The following EML6 variants were observed in gnomAD, a reference collection of about 807,000 sequenced individuals.
EML6 encodes echinoderm microtubule-associated protein-like 6.
EML6 carries 154 observed loss-of-function variants against 240.1 expected under a neutral mutation model. The ratio of observed to expected loss-of-function variants is 0.64; its 90% CI spans 0.56 to 0.73. The LOEUF is 0.73. EML6 is among the 30% of genes least tolerant of loss of function. The pLI, the probability that EML6 is intolerant of heterozygous loss-of-function variation, is 0.00. For missense variants in EML6, 2,964 were observed against 2,474.6 expected, an observed-to-expected ratio of 1.20 and a Z score of -4.20; for synonymous variants, 1,148 against 899.0, an observed-to-expected ratio of 1.28 and a Z score of -4.95.
chr2:54,953,721 T>G (rs1452547473), intron 31 of EML6, among the ~76,000 whole-genome samples: 1 of 152,106 alleles, frequency 6.6e-6, no homozygotes, highest in East Asian at 1.9e-4. Flanking sequence ...ATGCTGTCTC[T>G]GCTGAAAATA....
intron 28 of EML6, among the ~76,000 whole-genome samples, chr2:54,945,678 A>G (rs1675662043): frequency 6.6e-6 from 1 of 152,296 alleles, no homozygotes. Flanking sequence ...ATTTCAGGTC[A>G]TTGTGTGCTC....
chr2:54,760,956 A>G (rs772410883), intron 2 of EML6, among the ~76,000 whole-genome samples: 1 of 151,950 alleles, frequency 6.6e-6, no homozygotes, highest in Non-Finnish European at 1.5e-5. Flanking sequence ...ATGGTGACCA[A>G]TAATGTTTTT....
intron 2 of EML6, among the ~76,000 whole-genome samples, chr2:54,738,831 A>G (rs776981085): frequency 6.6e-6 from 1 of 152,130 alleles, no homozygotes; most frequent in Non-Finnish European, 1.5e-5. Flanking sequence ...TCCTTTGGCT[A>G]CTCGTACAAG....
rs558431975 is a variant in EML6, at chr2:54,774,993, A to G, written c.198-38239A>G. On this transcript the variant is annotated intron_variant, in intron 2 of 41. Coordinates refer to ENST00000356458, the MANE Select transcript of EML6 (RefSeq NM_001039753.4). This position sits in a 1 kb window ranked among gnomAD's most constrained non-coding sequence, Gnocchi z 4.1. Reference sequence around the variant, plus strand: ...CACATAGAAATTTCCTGAAAATATGATCAAAAAATGAAAAAGCAAATACTT... The same window carrying G: ...CACATAGAAATTTCCTGAAAATATGGTCAAAAAATGAAAAAGCAAATACTT... Among the ~76,000 whole-genome samples, 2 of 152,298 alleles carry G rather than the reference A, an allele frequency of 1.3e-5. No homozygotes were observed. The highest frequency in any genetic ancestry group is 6.5e-5 in the Admixed American group (1 of 15,308).
At chr2:54,823,702 C>T (rs1283259759) in intron 5 of EML6, among the ~76,000 whole-genome samples, 1 of 152,074 alleles carries the variant, frequency 6.6e-6, no homozygotes, top group Non-Finnish European at 1.5e-5. Context: ...TCCTGGGAGC[C>T]ATCATCCATC....
chr2:54,725,020 C>T lies in EML6; in HGVS notation c.-42C>T, dbSNP rs1184011815. 1 of 1,458,678 alleles carries T rather than the reference C, an allele frequency of 6.9e-7. No homozygotes were observed. The highest frequency in any genetic ancestry group is 9.0e-7 in the Non-Finnish European group (1 of 1,105,892). The allele number at this position is 1,458,678 out of a possible 1,614,324, so 90.4% of individuals were successfully genotyped here. On this transcript the variant is annotated 5_prime_UTR_variant, in exon 2 of 42. Transcript: ENST00000356458. The surrounding 1 kb of genome is among the most constrained non-coding windows in gnomAD (Gnocchi z 4.3). ...AGCCCCAGCCTCGGCGAGGACGGCC[C>T]CGGCGCGCGGGGGGGCGGGGGGCGC...
chr2:54,730,725 C>T (rs57539931), intron 2 of EML6, among the ~76,000 whole-genome samples: 6,284 of 152,228 alleles, frequency 0.041, 444 homozygotes, highest in African/African-American at 0.14. Context: ...CATTATTGCT[C>T]TTCTTATTAA....
intron 2 of EML6, among the ~76,000 whole-genome samples, chr2:54,733,872 T>G (rs184827152): frequency 6.6e-6 from 1 of 151,974 alleles, no homozygotes; most frequent in Non-Finnish European, 1.5e-5. Flanking sequence ...CCACCCCTAA[T>G]AAAGGGGGAA....
chr2:54,939,528 C>A (rs1033805397), intron 28 of EML6, among the ~76,000 whole-genome samples: 3 of 152,206 alleles, frequency 2.0e-5, no homozygotes, highest in Non-Finnish European at 2.9e-5. Context: ...CCAGTAGCCC[C>A]TTGTGATATG....
rs192806554 is a variant in EML6 at position 54,792,771 on chromosome 2, C to T, written c.198-20461C>T. On this transcript the variant is annotated intron_variant, in intron 2 of 41. Coordinates refer to ENST00000356458, the MANE Select transcript of EML6 (RefSeq NM_001039753.4). ...GGCACTTTGGGATAAAATAGAAATA[C>T]GCTATAGAAATACGACATTGTTCAC... is the stretch of plus-strand genomic sequence containing the variant. Among the ~76,000 whole-genome samples the T allele has an allele frequency of 1.8e-4, 28 of 152,176 alleles. 1 individual carries two copies. The South Asian group carries it at 3.3e-3, about 18-fold the overall frequency.
Position 54,964,732 on chromosome 2 carries a change from A to G in EML6, c.5492A>G (p.Gln1831Arg). 6.4e-7 allele frequency: 1 copy of G among 1,551,822 alleles called. No individual in the cohort carries two copies. Among genetic ancestry groups the G allele is most frequent in the Non-Finnish European group, 8.7e-7 (1 of 1,146,994 alleles). The stretch of plus-strand genomic sequence containing the variant: ...TTTTCTGCGGATGGCAAATACATTC[A>G]GGTATGCTTGGGGTTTACTTATATC... ...MDFSADGKYI[Q>R]VSTGAYKRQV... Residue 1831 changes from glutamine (Q) to arginine (R), a missense_variant and splice_region_variant, in exon 38 of 42, where the codon CAG becomes CGG. Physicochemically the swap from Gln to Arg is conservative, Grantham distance 43 (BLOSUM62 1). Transcript: ENST00000356458.
At chr2:54,928,287 G>A (rs928255718) in intron 26 of EML6, 26 bp from the exon 27 acceptor site, 3 of 1,534,464 alleles carry the variant, frequency 2.0e-6, no homozygotes, top group African/African-American at 1.4e-5. Context: ...AGTGGCTGGG[G>A]TAATAACCAA....
intron 28 of EML6, among the ~76,000 whole-genome samples, chr2:54,937,077 C>T (rs986775514): frequency 1.3e-5 from 2 of 150,018 alleles, no homozygotes; most frequent in African/African-American, 2.5e-5. Flanking sequence ...GTCAGGAGTT[C>T]GAGACGTGCC....
At chr2:54,930,696 G>C (rs561721451) in intron 28 of EML6, among the ~76,000 whole-genome samples, 108 of 152,212 alleles carry the variant, frequency 7.1e-4, no homozygotes, top group Non-Finnish European at 1.0e-3. Flanking sequence ...CAGCTTCCTA[G>C]GTAACTTTAA....
At chr2:54,962,858 A>C (rs1425085235) in intron 36 of EML6, 147 bp downstream of exon 36, 2 of 538,048 alleles carry the variant, frequency 3.7e-6, no homozygotes, top group Non-Finnish European at 3.1e-6. Flanking sequence ...ACGATAAAAG[A>C]AGCCCCACTC....
At chr2:54,831,475 C>T (rs1668865560) in intron 7 of EML6, among the ~76,000 whole-genome samples, 1 of 151,774 alleles carries the variant, frequency 6.6e-6, no homozygotes. Context: ...GCCCCACAGC[C>T]AACTCCCATC....
intron 28 of EML6, among the ~76,000 whole-genome samples, chr2:54,935,880 A>G (rs977824684): frequency 6.6e-6 from 1 of 152,172 alleles, no homozygotes; most frequent in African/African-American, 2.4e-5. Context: ...AATTTAAAAA[A>G]TTAGCTGGGA....
At chr2:54,866,932 T>A in intron 14 of EML6, 48 bp downstream of exon 14, 1 of 1,140,890 alleles carries the variant, frequency 8.8e-7, no homozygotes, top group Non-Finnish European at 1.3e-6. Context: ...TGTCTCTGCC[T>A]GGCTGTCACC....
chr2:54,967,331 TC>T, intron 39 of EML6: 1 of 310,168 alleles, frequency 3.2e-6, no homozygotes, highest in Non-Finnish European at 6.1e-6. Flanking sequence ...TGTAATTTCT[TC>T]TACAAGTCTC....
Sources: gnomAD v4.1 joint callset for allele counts (sites outside exome capture counted in the v4.1 genomes callset) on GRCh38, gnomAD v4.1.1 for gene constraint, Gnocchi (gnomAD v3.1) non-coding constraint, MANE v1.5 for transcripts, NCBI Gene and HGNC (gene_info 2026-07-23, HGNC 2026-07-21) for gene names.